WAPL: variants seen among roughly 807,000 people sequenced by gnomAD.
The protein encoded by WAPL is WAPL cohesin release factor, also known as wings apart-like protein homolog.
In WAPL, 5 loss-of-function variants were observed where a neutral mutation model predicts 121.0. The ratio of observed to expected loss-of-function variants is 0.04; its 90% CI spans 0.02 to 0.09. The LOEUF (loss-of-function observed/expected upper bound fraction) is 0.09. Ranked by LOEUF, WAPL falls within the 10% of genes least tolerant of loss-of-function variation. The probability of loss-of-function intolerance (pLI) is 1.00; values close to 1 mark genes in which losing one functional copy is unlikely to be tolerated. For missense variants in WAPL, 999 were observed against 1,410.8 expected (o/e 0.71, Z 4.68); for synonymous variants, 480 against 481.5 (o/e 1.00, Z 0.04).
At chr10:86,520,187 C>G (rs1217297992) in intron 1 of WAPL, among the ~76,000 whole-genome samples, 4 of 152,062 alleles carry the variant, frequency 2.6e-5, no homozygotes, top group Non-Finnish European at 2.9e-5. Flanking sequence ...CCCAGCTACT[C>G]CGGAGGCTGG....
At chr10:86,504,678 G>A (rs1001310655) in intron 2 of WAPL, among the ~76,000 whole-genome samples, 1 of 151,560 alleles carries the variant, frequency 6.6e-6, no homozygotes, top group Non-Finnish European at 1.5e-5. Context: ...AGGAATAACA[G>A]GGACATAGCA....
chr10:86,470,284 T>C (rs1437025967), intron 8 of WAPL, among the ~76,000 whole-genome samples: 2 of 152,154 alleles, frequency 1.3e-5, no homozygotes, highest in African/African-American at 4.8e-5. Context: ...TCTGCCCACT[T>C]TGGCCTCCCA....
intron 3 of WAPL, among the ~76,000 whole-genome samples, chr10:86,499,438 C>T (rs1842205207): frequency 6.6e-6 from 1 of 152,150 alleles, no homozygotes; most frequent in Admixed American, 6.5e-5. Context: ...AGGAATAGTA[C>T]ACCAAAACCT....
chr10:86,440,108 T>C (rs937544811), intron 17 of WAPL, among the ~76,000 whole-genome samples: 2 of 152,092 alleles, frequency 1.3e-5, no homozygotes, highest in South Asian at 4.1e-4. Context: ...AGAGACAAGA[T>C]AGATACAGGC....
intron 2 of WAPL, among the ~76,000 whole-genome samples, chr10:86,507,572 C>G (rs1421856656): frequency 6.6e-6 from 1 of 152,026 alleles, no homozygotes; most frequent in Non-Finnish European, 1.5e-5. Flanking sequence ...AAATTCCAAC[C>G]CTCTGATTTC....
chr10:86,481,350 T>C (rs190201894), intron 4 of WAPL, among the ~76,000 whole-genome samples: 19 of 152,208 alleles, frequency 1.2e-4, no homozygotes, highest in Non-Finnish European at 2.4e-4. Flanking sequence ...ACAGGACATA[T>C]AGATGCTACT....
chr10:86,436,886 T>TA lies in WAPL; in HGVS notation c.*656dup, dbSNP rs1459056512. On this transcript the variant is annotated 3_prime_UTR_variant, in exon 19 of 19. Coordinates refer to ENST00000298767, the MANE Select transcript of WAPL (RefSeq NM_015045.5). ...TTGAATATGGTTGTGGTCTCAAAAG[T>TA]AAAAAATAGTTCAATAACCCAAACC... The TA allele has an allele frequency of 6.6e-6, 1 of 152,570 alleles. No homozygotes were observed. The highest frequency in any genetic ancestry group is 1.5e-5 in the Non-Finnish European group (1 of 68,028). 9.5% of individuals were successfully genotyped at this position (152,570 alleles called of 1,614,324 possible).
chr10:86,489,501 C>T (rs1350839272), intron 4 of WAPL, among the ~76,000 whole-genome samples: 7 of 152,152 alleles, frequency 4.6e-5, no homozygotes, highest in Non-Finnish European at 8.8e-5. Flanking sequence ...CACACACATA[C>T]ATATACAGCA....
chr10:86,445,808 C>T (rs1487068569), intron 16 of WAPL, among the ~76,000 whole-genome samples: 1 of 152,174 alleles, frequency 6.6e-6, no homozygotes, highest in South Asian at 2.1e-4. Context: ...TGTGAGCCAC[C>T]AGCCTACAGT....
rs1840909151 is a variant in WAPL, at chr10:86,449,236, G to A, written c.3114+2731C>T. On this transcript the variant is annotated intron_variant, in intron 15 of 18. Coordinates refer to ENST00000298767, the MANE Select transcript of WAPL (RefSeq NM_015045.5). ...TACTGGATTCAGGCCAACGTTATCA[G>A]TAGCATAAACGATATAAATCTGAAC... 2.0e-5 allele frequency among the ~76,000 whole-genome samples: 3 copies of A among 152,296 alleles called. 1 individual carries two copies. The South Asian group carries it at 6.2e-4, about 32-fold the overall frequency.
chr10:86,488,590 C>T (rs1841975785), intron 4 of WAPL: 1 of 152,246 alleles, frequency 6.6e-6, no homozygotes, highest in African/African-American at 2.4e-5. Flanking sequence ...TAGTGGGACA[C>T]ATCAAAGCCA....
rs561713036 is a variant in WAPL, at chr10:86,435,727, A to G, written c.*1816T>C. The G allele has an allele frequency of 6.5e-6, 1 of 152,750 alleles. No individual in the cohort carries two copies. Among genetic ancestry groups the G allele is most frequent in the South Asian group, 2.1e-4 (1 of 4,828 alleles). The allele number at this position is 152,750 out of a possible 1,614,324, so 9.5% of individuals were successfully genotyped here. On this transcript the variant is annotated 3_prime_UTR_variant, in exon 19 of 19. Coordinates refer to ENST00000298767, the MANE Select transcript of WAPL (RefSeq NM_015045.5). ...TTCAAATGATTACCAGTGTAACAGAAAAATGCAGTTCGCCCTGATTGTTCT... is the reference window on the plus strand; with the variant it reads ...TTCAAATGATTACCAGTGTAACAGAGAAATGCAGTTCGCCCTGATTGTTCT...
At position 86,460,441 on chromosome 10, in the gene WAPL, G is replaced by A. The variant is rs3858276; in HGVS notation, c.2538C>T (p.Ala846=). The A allele has an allele frequency of 2.4e-3, 3,925 of 1,613,686 alleles. 97 individuals are homozygous for A. The African/African-American group carries it at 0.047, about 19-fold the overall frequency. Residue 846 remains alanine (A), a synonymous_variant, in exon 11 of 19, where the codon GCC becomes GCT. Coordinates refer to ENST00000298767, the MANE Select transcript of WAPL (RefSeq NM_015045.5). ...AACATCTCTCTGCTCCCCATAGTGA[G>A]GCTACCAGTTTCTCTTCATCCTCAT... is the stretch of plus-strand genomic sequence containing the variant. The part of the protein sequence containing the change: ...SRDEDEEKLV[A]SLWGAERCLR...
In WAPL at chr10:86,491,239, G is replaced by A. The variant is rs113408648; in HGVS notation, c.1644+5962C>T. On this transcript the variant is annotated intron_variant, in intron 4 of 18. Coordinates refer to ENST00000298767, the MANE Select transcript of WAPL (RefSeq NM_015045.5). ...ACTGCAAACTCTGCCTCCCGGGTTC[G>A]CGCCATTCTCCTGCCTCAGCCTCCC... Among the ~76,000 whole-genome samples the A allele has an allele frequency of 5.4e-3, 785 of 144,774 alleles. 8 individuals carry two copies. The highest frequency in any genetic ancestry group is 0.019 in the African/African-American group (746 of 39,228). 95.0% of individuals were successfully genotyped at this position (144,774 alleles called of 152,430 possible). A position where few individuals can be genotyped will look rare whatever the true frequency, so the allele number is the denominator to read the frequency against.
chr10:86,444,334 C>T (rs904081363), intron 16 of WAPL, among the ~76,000 whole-genome samples: 2 of 152,112 alleles, frequency 1.3e-5, no homozygotes, highest in Admixed American at 1.3e-4. Flanking sequence ...TCCAACAATT[C>T]CAACTCCTAG....
At chr10:86,488,068 CAT>C (rs887309642) in intron 4 of WAPL, among the ~76,000 whole-genome samples, 2 of 151,940 alleles carry the variant, frequency 1.3e-5, no homozygotes, top group African/African-American at 2.4e-5. Flanking sequence ...AATAAGAACA[CAT>C]GTGGAGGATA....
At chr10:86,492,933 C>T (rs1043073773) in intron 4 of WAPL, among the ~76,000 whole-genome samples, 9 of 151,828 alleles carry the variant, frequency 5.9e-5, no homozygotes, top group African/African-American at 1.7e-4. Context: ...TGGTGGTGGG[C>T]GCCTATAGTC....
At chr10:86,476,369 A>T (rs1303437875) in intron 4 of WAPL, among the ~76,000 whole-genome samples, 1 of 149,088 alleles carries the variant, frequency 6.7e-6, no homozygotes, top group Non-Finnish European at 1.5e-5. Flanking sequence ...TGTCTCAAAA[A>T]ATTAAAACAC....
chr10:86,499,578 G>T, intron 3 of WAPL, 140 bp downstream of exon 3: 1 of 763,920 alleles, frequency 1.3e-6, no homozygotes, highest in Non-Finnish European at 2.0e-6. Context: ...AATGTTATGT[G>T]AATGGGATCT....
Sources: allele counts gnomAD v4.1 joint callset (sites outside exome capture counted in the v4.1 genomes callset), GRCh38; gene constraint gnomAD v4.1.1; transcripts MANE v1.5; gene names NCBI Gene and HGNC (gene_info 2026-07-23, HGNC 2026-07-21).